The following PEX11G variants were observed in gnomAD, a reference collection of about 807,000 sequenced individuals.
The protein encoded by PEX11G is peroxisomal biogenesis factor 11 gamma.
A neutral mutation model predicts 22.5 loss-of-function variants in PEX11G; 20 were observed. The ratio of observed to expected loss-of-function variants is 0.89; its 90% confidence interval spans 0.62 to 1.29. The LOEUF is 1.29. Among genes scored for constraint, PEX11G ranks in the 50% most tolerant of loss-of-function variants. PEX11G has a pLI of 0.00. For synonymous variants in PEX11G, 141 were observed against 154.5 expected, an observed-to-expected ratio of 0.91 and a Z score of 0.65; for missense variants, 347 against 331.3, an observed-to-expected ratio of 1.05 and a Z score of -0.37.
chr19:7,494,295 G>C (rs2021939662), intron 1 of PEX11G, among the ~76,000 whole-genome samples: 1 of 151,890 alleles, frequency 6.6e-6, no homozygotes, highest in Non-Finnish European at 1.5e-5. Context: ...AGGAGTCTGA[G>C]GCACGAGAAT....
At chr19:7,491,186 A>G (rs922542268), upstream of PEX11G, 1 of 150,656 alleles carries the variant, frequency 6.6e-6, no homozygotes, top group African/African-American at 2.5e-5. Flanking sequence ...CAATCACTCA[A>G]TTCCTCCCTC....
rs563543290 is a variant in PEX11G at position 7,477,511 on chromosome 19, G to A, written c.492-75C>T. The A allele has an allele frequency of 4.9e-6, 6 of 1,236,854 alleles. No homozygotes were observed. In the South Asian group the frequency reaches 1.1e-4, roughly 23 times the overall value. The allele number at this position is 1,236,854 out of a possible 1,614,324, so 76.6% of individuals were successfully genotyped here. A position where few individuals can be genotyped will look rare whatever the true frequency, so the allele number is the denominator to read the frequency against. On this transcript the variant is annotated intron_variant, in intron 4 of 4. Coordinates refer to ENST00000221480, the MANE Select transcript of PEX11G (RefSeq NM_080662.4). ...CTTCCCAAGCCCCTGAATGCCCTGTGTGGCCTGGCAGCCCTGAGCCCCTGC... is the reference window on the plus strand; with the variant it reads ...CTTCCCAAGCCCCTGAATGCCCTGTATGGCCTGGCAGCCCTGAGCCCCTGC...
intron 1 of PEX11G, among the ~76,000 whole-genome samples, chr19:7,486,606 AT>A (rs995609683): frequency 9.8e-4 from 146 of 148,484 alleles, no homozygotes; most frequent in Middle Eastern, 3.4e-3. Flanking sequence ...TACCAAAAAA[AT>A]TTTTTTTTTT....
chr19:7,478,173 C>A, intron 4 of PEX11G, 141 bp downstream of exon 4: 1 of 856,562 alleles, frequency 1.2e-6, no homozygotes, highest in Admixed American at 2.4e-5. Flanking sequence ...GGTACCGCCA[C>A]CCACCAGAGG....
upstream of PEX11G, chr19:7,489,546 A>C: frequency 1.1e-6 from 1 of 951,714 alleles, no homozygotes; most frequent in Non-Finnish European, 1.3e-6. Flanking sequence ...AAAATGCACA[A>C]TTCAGTGACA....
chr19:7,482,978 G>C (rs950436326), intron 2 of PEX11G, among the ~76,000 whole-genome samples: 3 of 152,200 alleles, frequency 2.0e-5, no homozygotes, highest in African/African-American at 7.2e-5. Flanking sequence ...CCTAGAGCCA[G>C]CGAGGCAGGA....
chr19:7,486,452 C>T (rs2021661819), intron 1 of PEX11G, among the ~76,000 whole-genome samples: 1 of 151,440 alleles, frequency 6.6e-6, no homozygotes, highest in African/African-American at 2.4e-5. Context: ...TCTAAATCTA[C>T]AAAGTGACAG....
intron 3 of PEX11G, among the ~76,000 whole-genome samples, chr19:7,480,604 C>T (rs544567118): frequency 2.6e-5 from 4 of 152,270 alleles, no homozygotes; most frequent in East Asian, 1.9e-4. Context: ...GTGGGTAATT[C>T]GAATCTTCTA....
At chr19:7,487,702 G>A (rs1026339578) in intron 1 of PEX11G, among the ~76,000 whole-genome samples, 3 of 152,234 alleles carry the variant, frequency 2.0e-5, no homozygotes, top group African/African-American at 2.4e-5. Context: ...GATCACAGGC[G>A]CGAGCCACCA....
chr19:7,489,251 C>T (rs750777572), upstream of PEX11G: 1 of 1,237,066 alleles, frequency 8.1e-7, no homozygotes. Flanking sequence ...TTCTGCCCCA[C>T]GGCGGTTTGG....
upstream of PEX11G, among the ~76,000 whole-genome samples, chr19:7,491,897 A>T (rs113092800): frequency 9.7e-3 from 1,481 of 152,002 alleles, 29 homozygotes; most frequent in African/African-American, 0.033. Flanking sequence ...GACTCAAGGG[A>T]TCCTCCTGCC....
Position 7,482,215 on chromosome 19 carries a change from C to T in PEX11G, c.250-4G>A. The T allele has an allele frequency of 6.4e-7, 1 of 1,556,810 alleles. No homozygotes were observed. Among genetic ancestry groups the T allele is most frequent in the Non-Finnish European group, 8.7e-7 (1 of 1,152,028 alleles). On this transcript the variant is annotated splice_region_variant and splice_polypyrimidine_tract_variant and intron_variant, in intron 2 of 4. Transcript: ENST00000221480. ...AGCGGACAAAGGCGTCCTCCTCCTG[C>T]AGGACCAGGAGCAGAGGGGGCCTAG...
intron 3 of PEX11G, among the ~76,000 whole-genome samples, chr19:7,479,555 G>A (rs948652210): frequency 6.6e-6 from 1 of 152,212 alleles, no homozygotes; most frequent in African/African-American, 2.4e-5. Context: ...CTGATGCTCC[G>A]GCAGCCCTGG....
intron 3 of PEX11G, among the ~76,000 whole-genome samples, chr19:7,479,935 C>T (rs1977409096): frequency 6.6e-6 from 1 of 152,082 alleles, no homozygotes. Context: ...GAACGTTATG[C>T]TCAATTTTGC....
intron 3 of PEX11G, among the ~76,000 whole-genome samples, chr19:7,479,435 G>C (rs1283270715): frequency 2.0e-5 from 3 of 152,208 alleles, no homozygotes; most frequent in Non-Finnish European, 4.4e-5. Context: ...AGTAAGCCAA[G>C]ATCGCACCAC....
Position 7,482,203 on chromosome 19 carries a change from GTCC to G in PEX11G, c.255_257del (p.Glu85del). The stretch of plus-strand genomic sequence containing the variant: ...GGACGGAGACACAGCGGACAAAGGC[GTCC>G]TCCTCCTGCAGGACCAGGAGCAGAG... On this transcript the variant is annotated inframe_deletion, in exon 3 of 5. Transcript: ENST00000221480. 6.4e-7 allele frequency: 1 copy of G among 1,565,170 alleles called. No individual in the cohort carries two copies. Among genetic ancestry groups the G allele is most frequent in the Non-Finnish European group, 8.6e-7 (1 of 1,156,254 alleles).
At chr19:7,480,839 C>T (rs550520363) in intron 3 of PEX11G, among the ~76,000 whole-genome samples, 1 of 152,270 alleles carries the variant, frequency 6.6e-6, no homozygotes, top group Admixed American at 6.5e-5. Flanking sequence ...CCAGGGGGCC[C>T]AGCTCCTGCT....
chr19:7,489,567 C>T, upstream of PEX11G: 1 of 912,808 alleles, frequency 1.1e-6, no homozygotes, highest in Non-Finnish European at 1.3e-6. Context: ...TTAGTACATG[C>T]ACATGTTGGA....
intron 2 of PEX11G, among the ~76,000 whole-genome samples, chr19:7,483,063 G>GCCCCCTTGGGACCCC (rs1977574953): frequency 1.4e-5 from 2 of 145,982 alleles, no homozygotes; most frequent in Non-Finnish European, 3.0e-5. Flanking sequence ...CGGGGGACCC[G>GCCCCCTTGGGACCCC]CCCCCTTGGG....
Sources: allele counts gnomAD v4.1 joint callset (sites outside exome capture counted in the v4.1 genomes callset), GRCh38; gene constraint gnomAD v4.1.1; transcripts MANE v1.5; gene names NCBI Gene and HGNC (gene_info 2026-07-23, HGNC 2026-07-21).